NUDCD1: variants seen among roughly 807,000 people sequenced by gnomAD.
NUDCD1 encodes the protein nudC domain-containing protein 1.
A neutral mutation model predicts 67.8 loss-of-function variants in NUDCD1; 60 were observed. That is an observed-to-expected ratio of 0.88 (90% CI 0.72 to 1.10). The LOEUF (loss-of-function observed/expected upper bound fraction) is 1.10. Ranked by LOEUF, NUDCD1 falls within the 50% of genes least tolerant of loss-of-function variation. NUDCD1 has a pLI of 0.00. For missense variants in NUDCD1, 643 were observed against 695.0 expected, an observed-to-expected ratio of 0.93 and a Z score of 0.84; for synonymous variants, 244 against 230.8, an observed-to-expected ratio of 1.06 and a Z score of -0.52.
intron 7 of NUDCD1, among the ~76,000 whole-genome samples, chr8:109,274,130 A>G (rs775016496): frequency 4.6e-5 from 7 of 152,142 alleles, no homozygotes; most frequent in Non-Finnish European, 8.8e-5. Flanking sequence ...CAAGATCACA[A>G]ATAAGGCAAG....
chr8:109,263,257 T>C (rs79410240), intron 8 of NUDCD1, among the ~76,000 whole-genome samples: 3,139 of 152,072 alleles, frequency 0.021, 108 homozygotes, highest in African/African-American at 0.071. Flanking sequence ...CCTTAGAAGA[T>C]AGAGTGCCTC....
intron 2 of NUDCD1, among the ~76,000 whole-genome samples, chr8:109,310,810 C>CTT (rs59611956): frequency 0.014 from 1,022 of 75,134 alleles, 21 homozygotes; most frequent in Non-Finnish European, 0.015. Context: ...ATAGACAATT[C>CTT]TTTTTTTTTT....
At chr8:109,304,445 C>T (rs577387810) in intron 2 of NUDCD1, among the ~76,000 whole-genome samples, 4 of 152,298 alleles carry the variant, frequency 2.6e-5, no homozygotes, top group Non-Finnish European at 5.9e-5. Context: ...GCAGGCTATG[C>T]TATAGTATCT....
intron 8 of NUDCD1, among the ~76,000 whole-genome samples, chr8:109,263,911 GAAGTTGCTACAT>G (rs1813928348): frequency 6.6e-6 from 1 of 152,178 alleles, no homozygotes; most frequent in Non-Finnish European, 1.5e-5. Flanking sequence ...GTAATTACTT[GAAGTTGCTACAT>G]TCTTCACTGC....
intron 1 of NUDCD1, among the ~76,000 whole-genome samples, chr8:109,332,208 T>C (rs1372671069): frequency 1.3e-5 from 2 of 152,142 alleles, no homozygotes; most frequent in East Asian, 1.9e-4. Context: ...GTACGTCTTA[T>C]GGAGAATGCA....
intron 2 of NUDCD1, chr8:109,313,658 T>C: frequency 5.7e-6 from 2 of 351,250 alleles, no homozygotes; most frequent in East Asian, 7.7e-5. Flanking sequence ...AGGTTTCTAG[T>C]TGTGTCTACT....
chr8:109,302,411 C>T (rs183905251), intron 2 of NUDCD1, among the ~76,000 whole-genome samples: 1 of 152,166 alleles, frequency 6.6e-6, no homozygotes, highest in East Asian at 1.9e-4. Context: ...TTCCTTCAGT[C>T]TCCACCCCAA....
At chr8:109,318,822 A>G (rs1024727584) in intron 2 of NUDCD1, among the ~76,000 whole-genome samples, 1 of 152,214 alleles carries the variant, frequency 6.6e-6, no homozygotes, top group Non-Finnish European at 1.5e-5. Context: ...AACTCCCAAC[A>G]GTAATAATGA....
intron 9 of NUDCD1, among the ~76,000 whole-genome samples, chr8:109,244,436 A>G (rs1813448290): frequency 6.6e-6 from 1 of 152,140 alleles, no homozygotes. Flanking sequence ...TAATTAAAAA[A>G]TAGCATTATA....
intron 2 of NUDCD1, 82 bp from the exon 3 acceptor site, chr8:109,296,651 T>C (rs1325940355): frequency 1.1e-6 from 1 of 947,604 alleles, no homozygotes; most frequent in African/African-American, 1.7e-5. Context: ...GGTGTGGTGG[T>C]TTCTCTCCTT....
chr8:109,318,753 C>T (rs1815462017), intron 2 of NUDCD1, among the ~76,000 whole-genome samples: 1 of 152,132 alleles, frequency 6.6e-6, no homozygotes. Context: ...ATTGCCAATA[C>T]AGAACTCATA....
At chr8:109,249,118 C>T (rs547948814) in intron 8 of NUDCD1, among the ~76,000 whole-genome samples, 20 of 152,128 alleles carry the variant, frequency 1.3e-4, no homozygotes, top group Non-Finnish European at 2.2e-4. Flanking sequence ...ATTTTATTCC[C>T]CTTATAAATA....
At chr8:109,278,958 CGCTTGA>C (rs1461873134) in intron 6 of NUDCD1, among the ~76,000 whole-genome samples, 1 of 152,078 alleles carries the variant, frequency 6.6e-6, no homozygotes, top group African/African-American at 2.4e-5. Context: ...GCAGGCAGAT[CGCTTGA>C]GGTCAGGAGT....
chr8:109,244,068 T>C (rs1813441038), intron 9 of NUDCD1, among the ~76,000 whole-genome samples: 1 of 152,114 alleles, frequency 6.6e-6, no homozygotes, highest in Non-Finnish European at 1.5e-5. Flanking sequence ...TGTTAGGTAT[T>C]TATGATCATG....
At chr8:109,320,174 G>A (rs1048195815) in intron 2 of NUDCD1, among the ~76,000 whole-genome samples, 1 of 150,366 alleles carries the variant, frequency 6.7e-6, no homozygotes, top group African/African-American at 2.5e-5. Flanking sequence ...TCAGGAGACA[G>A]GGTTTTGAGA....
At chr8:109,281,972 A>C (rs759894239) in intron 5 of NUDCD1, among the ~76,000 whole-genome samples, 1 of 152,086 alleles carries the variant, frequency 6.6e-6, no homozygotes, top group Admixed American at 6.5e-5. Context: ...AGGCACCTGG[A>C]GCTCTCCTAG....
intron 8 of NUDCD1, among the ~76,000 whole-genome samples, chr8:109,265,335 A>T (rs549335264): frequency 6.6e-6 from 1 of 152,242 alleles, no homozygotes; most frequent in East Asian, 1.9e-4. Context: ...GAGGGAAAAA[A>T]AAAGAATGTA....
At chr8:109,258,428 T>C (rs1813787666) in intron 8 of NUDCD1, among the ~76,000 whole-genome samples, 1 of 151,826 alleles carries the variant, frequency 6.6e-6, no homozygotes, top group African/African-American at 2.4e-5. Context: ...TTATCAACTA[T>C]CTATCAATCC....
rs1164584521 is a variant in NUDCD1 at position 109,241,278 on chromosome 8, T to C, written c.*1731A>G. ...ACTAAAATTGGCAATATATACATAG[T>C]CATGGTTAATTAAGCACCACATTTT... On this transcript the variant is annotated 3_prime_UTR_variant, in exon 10 of 10. Transcript: ENST00000239690. The C allele has an allele frequency of 2.6e-5, 4 of 152,154 alleles. No individual in the cohort carries two copies. The highest frequency in any genetic ancestry group is 9.7e-5 in the African/African-American group (4 of 41,438). The allele number at this position is 152,154 out of a possible 1,614,324, so 9.4% of individuals were successfully genotyped here.
Sources: allele counts gnomAD v4.1 joint callset (sites outside exome capture counted in the v4.1 genomes callset), GRCh38; gene constraint gnomAD v4.1.1; transcripts MANE v1.5; gene names NCBI Gene and HGNC (gene_info 2026-07-23, HGNC 2026-07-21).